Variants in DOCK9 observed in about 807,000 individuals in gnomAD.
DOCK9 encodes dedicator of cytokinesis 9.
A neutral mutation model predicts 263.3 loss-of-function variants in DOCK9; 89 were observed. The observed-to-expected ratio is 0.34, with a 90% CI of 0.28 to 0.40. DOCK9 has a LOEUF of 0.40. DOCK9 is among the 10% of genes least tolerant of loss of function. The probability of loss-of-function intolerance (pLI) is 1.00; values close to 1 mark genes in which losing one functional copy is unlikely to be tolerated. For synonymous variants in DOCK9, 976 were observed against 973.1 expected, an observed-to-expected ratio of 1.00 and a Z score of -0.06; for missense variants, 2,140 against 2,603.4, an observed-to-expected ratio of 0.82 and a Z score of 3.87.
chr13:99,009,983 G>A (rs1595896832), intron 1 of DOCK9, among the ~76,000 whole-genome samples: 1 of 150,564 alleles, frequency 6.6e-6, no homozygotes, highest in South Asian at 2.1e-4. Context: ...AAACTTTAAG[G>A]TTTTAAGGCC....
rs752764057 is a variant in DOCK9 at position 98,920,960 on chromosome 13, G to A, written c.711C>T (p.Val237=). ...AAACTCTTTTCATATTTACCTGAAC[G>A]ACACCCATACAGGAATCCAGAAATA... ...GSIFLDSCMG[V]VQNNKVRRFA... Residue 237 remains valine (V), a synonymous_variant, in exon 7 of 53, where the codon GTC becomes GTT. Coordinates refer to ENST00000682017, the MANE Select transcript of DOCK9 (RefSeq NM_001366683.2). 9 of 1,602,444 alleles carry A rather than the reference G, an allele frequency of 5.6e-6. No individual in the cohort carries two copies. Among genetic ancestry groups the A allele is most frequent in the South Asian group, 2.3e-5 (2 of 88,824 alleles).
chr13:98,929,435 T>A (rs1328643052), intron 3 of DOCK9, among the ~76,000 whole-genome samples: 1 of 151,906 alleles, frequency 6.6e-6, no homozygotes, highest in African/African-American at 2.4e-5. Context: ...CCCAGCTACT[T>A]GGGAGGCTGA....
chr13:98,906,041 C>T (rs183971594), intron 9 of DOCK9, among the ~76,000 whole-genome samples: 2 of 152,084 alleles, frequency 1.3e-5, no homozygotes, highest in South Asian at 2.1e-4. Context: ...TCCATGAACA[C>T]GACAGAAAAC....
chr13:99,002,527 T>C (rs1882555662), intron 1 of DOCK9, among the ~76,000 whole-genome samples: 2 of 152,228 alleles, frequency 1.3e-5, no homozygotes, highest in Admixed American at 6.5e-5. Context: ...TTCTCTTCTA[T>C]CCTTCTCCAC....
At chr13:98,822,132 C>T (rs185033500) in intron 45 of DOCK9, among the ~76,000 whole-genome samples, 61 of 152,264 alleles carry the variant, frequency 4.0e-4, no homozygotes, top group African/African-American at 1.4e-3. Context: ...TCCTAATCAC[C>T]ACAGATTGTC....
At chr13:98,930,293 G>A in intron 2 of DOCK9, 36 bp from the exon 3 acceptor site, 1 of 1,566,234 alleles carries the variant, frequency 6.4e-7, no homozygotes, top group Non-Finnish European at 8.7e-7. Flanking sequence ...CCTTGGGTAA[G>A]TGAAGGAGGC....
At chr13:98,821,129 C>T (rs1594339342) in intron 45 of DOCK9, among the ~76,000 whole-genome samples, 1 of 152,318 alleles carries the variant, frequency 6.6e-6, no homozygotes, top group East Asian at 1.9e-4. Flanking sequence ...ACTTTTCCCT[C>T]TGGAGCTCCT....
intron 8 of DOCK9, 79 bp downstream of exon 8, chr13:98,915,250 C>G (rs1217768043): frequency 7.0e-7 from 1 of 1,423,148 alleles, no homozygotes; most frequent in Non-Finnish European, 9.5e-7. Flanking sequence ...TAACACAGGT[C>G]TCCTTCTTAT....
chr13:98,825,321 T>A lies in DOCK9; in HGVS notation c.5024-817A>T, dbSNP rs1460907665. On this transcript the variant is annotated intron_variant, in intron 44 of 52. Coordinates refer to ENST00000682017, the MANE Select transcript of DOCK9 (RefSeq NM_001366683.2). The surrounding 1 kb of genome is among the most constrained non-coding windows in gnomAD (Gnocchi z 4.1). Reference sequence around the variant, plus strand: ...GATGTTCCACTACTCTATTTTGAGATAACTGTTCACAATAAAATAAAACAG... The same window carrying A: ...GATGTTCCACTACTCTATTTTGAGAAAACTGTTCACAATAAAATAAAACAG... 6.6e-6 allele frequency among the ~76,000 whole-genome samples: 1 copy of A among 152,212 alleles called. No individual in the cohort carries two copies. The highest frequency in any genetic ancestry group is 1.9e-4 in the East Asian group (1 of 5,204).
rs1353610179 is a variant in DOCK9, at chr13:99,068,000, C to T, written c.129+18223G>A. ...AGTTCCCTAAGCCTACAGAAAGAAC[C>T]GATCCCCAGTACCCCACATGTGGTT... On this transcript the variant is annotated intron_variant, in intron 1 of 32. Coordinates refer to the DOCK9 transcript ENST00000427887. Among the ~76,000 whole-genome samples, 4 of 151,968 alleles carry T rather than the reference C, an allele frequency of 2.6e-5. No homozygotes were observed. In the East Asian group the frequency reaches 7.7e-4, roughly 29 times the overall value.
chr13:98,923,877 T>C (rs1566977052), intron 4 of DOCK9, among the ~76,000 whole-genome samples: 1 of 152,158 alleles, frequency 6.6e-6, no homozygotes, highest in Admixed American at 6.5e-5. Context: ...TGACTGTTGT[T>C]AAGGCCATTT....
At chr13:99,019,185 G>A (rs993615318) in intron 1 of DOCK9, among the ~76,000 whole-genome samples, 1 of 152,176 alleles carries the variant, frequency 6.6e-6, no homozygotes, top group Non-Finnish European at 1.5e-5. Context: ...GACACATCCA[G>A]AGAGATAGAA....
At chr13:98,832,997 A>G (rs1265939603) in intron 39 of DOCK9, 1 of 151,690 alleles carries the variant, frequency 6.6e-6, no homozygotes, top group African/African-American at 2.4e-5. Context: ...GTTTTTTTTT[A>G]GGTCCAGTGA....
intron 1 of DOCK9, among the ~76,000 whole-genome samples, chr13:98,975,294 G>A (rs143096275): frequency 2.5e-3 from 376 of 151,618 alleles, no homozygotes; most frequent in African/African-American, 8.8e-3. Context: ...CCCAGGAGAC[G>A]GAGGTTGCAG....
intron 41 of DOCK9, among the ~76,000 whole-genome samples, chr13:98,830,224 T>A (rs2092706060): frequency 6.6e-6 from 1 of 152,238 alleles, no homozygotes; most frequent in Non-Finnish European, 1.5e-5. Flanking sequence ...GCTCAATGAA[T>A]AGCACTGCCT....
Position 98,894,957 on chromosome 13 carries a change from CAAAAAAAAAA to C in DOCK9, c.1709+2521_1709+2530del, listed in dbSNP as rs71114557. On this transcript the variant is annotated intron_variant, in intron 15 of 52. Coordinates refer to ENST00000682017, the MANE Select transcript of DOCK9 (RefSeq NM_001366683.2). Reference sequence around the variant, plus strand: ...GATATTTAGTATCTCTACTAAAATACAAAAAAAAAAAAAAAAAAAAAAAAAAATTAGCGGG... The same window carrying C: ...GATATTTAGTATCTCTACTAAAATACAAAAAAAAAAAAAAAAATTAGCGGG... Among the ~76,000 whole-genome samples, 110 of 73,392 alleles carry C rather than the reference CAAAAAAAAAA, an allele frequency of 1.5e-3. 1 individual carries two copies. Among genetic ancestry groups the C allele is most frequent in the African/African-American group, 4.3e-3 (85 of 19,720 alleles). The allele number at this position is 73,392 out of a possible 152,430, so 48.1% of individuals were successfully genotyped here.
chr13:98,909,472 A>G (rs973162577), intron 9 of DOCK9, among the ~76,000 whole-genome samples: 10 of 152,220 alleles, frequency 6.6e-5, no homozygotes, highest in Admixed American at 6.5e-4. Flanking sequence ...TATCAGAAAC[A>G]ATGTGTTGAA....
chr13:98,814,985 TAA>T (rs2091711468), intron 45 of DOCK9, among the ~76,000 whole-genome samples: 1 of 115,128 alleles, frequency 8.7e-6, no homozygotes, highest in Non-Finnish European at 2.0e-5. Context: ...TAAAATAAAA[TAA>T]AATAAAATAA....
chr13:98,914,018 A>G (rs965210604), intron 9 of DOCK9, among the ~76,000 whole-genome samples: 4 of 152,174 alleles, frequency 2.6e-5, no homozygotes, highest in Non-Finnish European at 5.9e-5. Context: ...GTACGATGCT[A>G]TTATGAGAAC....
Sources: allele counts gnomAD v4.1 joint callset (sites outside exome capture counted in the v4.1 genomes callset), GRCh38; gene constraint gnomAD v4.1.1; non-coding constraint Gnocchi (gnomAD v3.1); transcripts MANE v1.5; gene names NCBI Gene and HGNC (gene_info 2026-07-23, HGNC 2026-07-21).